Variants in AGBL4 observed in about 807,000 individuals in gnomAD.
AGBL4 encodes AGBL carboxypeptidase 4.
A neutral mutation model predicts 66.4 loss-of-function variants in AGBL4; 58 were observed. The ratio of observed to expected loss-of-function variants is 0.87; its 90% CI spans 0.71 to 1.09. The LOEUF is 1.09. Among genes scored for constraint, AGBL4 ranks in the 50% least tolerant of loss-of-function variants. The pLI is 0.00. For synonymous variants in AGBL4, 234 were observed against 222.9 expected (o/e 1.05, Z -0.44); for missense variants, 579 against 631.0 (o/e 0.92, Z 0.88).
At chr1:49,034,625 A>C (rs1270071991) in intron 5 of AGBL4, among the ~76,000 whole-genome samples, 3 of 152,100 alleles carry the variant, frequency 2.0e-5, no homozygotes, top group Non-Finnish European at 4.4e-5. Context: ...AGGTAGTTTA[A>C]TCATGGGGGT....
intron 3 of AGBL4, among the ~76,000 whole-genome samples, chr1:49,648,458 A>G (rs1368699921): frequency 6.6e-6 from 1 of 152,122 alleles, no homozygotes; most frequent in Non-Finnish European, 1.5e-5. Flanking sequence ...TGCAAACATG[A>G]TGACTAAGAG....
chr1:49,364,355 T>G (rs1644201517), intron 3 of AGBL4, among the ~76,000 whole-genome samples: 1 of 152,156 alleles, frequency 6.6e-6, no homozygotes, highest in African/African-American at 2.4e-5. Context: ...GGTCCCATAA[T>G]CTCTCTAATC....
At chr1:49,632,904 T>C (rs928195776) in intron 3 of AGBL4, among the ~76,000 whole-genome samples, 6 of 151,710 alleles carry the variant, frequency 4.0e-5, no homozygotes, top group Admixed American at 3.9e-4. Flanking sequence ...TAAAACCCCG[T>C]CTCTACTAAA....
chr1:48,873,646 A>G (rs538392015), intron 5 of AGBL4, among the ~76,000 whole-genome samples: 3 of 152,246 alleles, frequency 2.0e-5, no homozygotes, highest in East Asian at 3.9e-4. Context: ...CAGGATGGCA[A>G]CTAAACAGGG....
chr1:49,907,799 C>A (rs1650423403), intron 1 of AGBL4, among the ~76,000 whole-genome samples: 1 of 151,848 alleles, frequency 6.6e-6, no homozygotes, highest in Non-Finnish European at 1.5e-5. Flanking sequence ...AAGAGTTAAT[C>A]CTAATGTATG....
chr1:49,870,926 C>T (rs920491120), intron 1 of AGBL4, among the ~76,000 whole-genome samples: 2 of 152,080 alleles, frequency 1.3e-5, no homozygotes, highest in Non-Finnish European at 2.9e-5. Flanking sequence ...TCAGCCAACA[C>T]AGTTCATAAA....
At chr1:49,746,531 C>T (rs973578833) in intron 2 of AGBL4, among the ~76,000 whole-genome samples, 1 of 151,888 alleles carries the variant, frequency 6.6e-6, no homozygotes, top group Non-Finnish European at 1.5e-5. Context: ...TTTTACATCC[C>T]TATGTGATAG....
intron 3 of AGBL4, among the ~76,000 whole-genome samples, chr1:49,250,096 T>C (rs2148335440): frequency 6.6e-6 from 1 of 152,234 alleles, no homozygotes; most frequent in East Asian, 1.9e-4. Context: ...TTAAGAGAAG[T>C]TAATTAATGG....
chr1:49,489,932 G>A (rs1298274949), intron 3 of AGBL4, among the ~76,000 whole-genome samples: 2 of 151,594 alleles, frequency 1.3e-5, no homozygotes, highest in African/African-American at 2.4e-5. Context: ...TAGCTTTGTA[G>A]TATAATTTTC....
intron 2 of AGBL4, among the ~76,000 whole-genome samples, chr1:49,760,042 T>A (rs1652186403): frequency 6.6e-6 from 1 of 152,182 alleles, no homozygotes; most frequent in African/African-American, 2.4e-5. Context: ...GAGATGATGG[T>A]AATATAACAT....
At chr1:49,071,734 G>T (rs148113816) in intron 4 of AGBL4, among the ~76,000 whole-genome samples, 35 of 152,032 alleles carry the variant, frequency 2.3e-4, no homozygotes, top group African/African-American at 8.5e-4. Context: ...ATTTGGTGTG[G>T]AGAGTTCTGT....
intron 3 of AGBL4, among the ~76,000 whole-genome samples, chr1:49,683,539 G>A (rs1306573480): frequency 6.6e-6 from 1 of 152,002 alleles, no homozygotes; most frequent in Non-Finnish European, 1.5e-5. Context: ...AATCCATCAG[G>A]GAAAGGAACA....
intron 1 of AGBL4, among the ~76,000 whole-genome samples, chr1:49,963,920 A>G (rs548348647): frequency 6.6e-6 from 1 of 152,234 alleles, no homozygotes; most frequent in Non-Finnish European, 1.5e-5. Context: ...CTAAGAATGG[A>G]ATGGAAAGCT....
At chr1:49,890,224 A>G (rs1325645372) in intron 1 of AGBL4, among the ~76,000 whole-genome samples, 1 of 152,228 alleles carries the variant, frequency 6.6e-6, no homozygotes, top group Non-Finnish European at 1.5e-5. Flanking sequence ...CCAATATCAC[A>G]CAGAATTAGT....
chr1:49,079,554 T>C (rs938739583), intron 4 of AGBL4, among the ~76,000 whole-genome samples: 4 of 152,208 alleles, frequency 2.6e-5, no homozygotes, highest in South Asian at 2.1e-4. Flanking sequence ...ATCACCTCCC[T>C]CTCTTGACAC....
chr1:48,779,267 C>T (rs774627017), intron 6 of AGBL4, among the ~76,000 whole-genome samples: 6 of 152,194 alleles, frequency 3.9e-5, no homozygotes, highest in Non-Finnish European at 8.8e-5. Context: ...TTACCAATCT[C>T]ATCTCTTACT....
intron 4 of AGBL4, among the ~76,000 whole-genome samples, chr1:49,117,061 T>C (rs1645539984): frequency 1.3e-5 from 2 of 151,758 alleles, no homozygotes; most frequent in South Asian, 4.2e-4. Flanking sequence ...CACTTTTTGA[T>C]GGGGTTTTTT....
chr1:49,305,496 T>C (rs1441430097), intron 3 of AGBL4, among the ~76,000 whole-genome samples: 1 of 152,152 alleles, frequency 6.6e-6, no homozygotes, highest in African/African-American at 2.4e-5. Context: ...GATGTGAACC[T>C]GCCTATGAAG....
intron 8 of AGBL4, among the ~76,000 whole-genome samples, chr1:48,644,786 T>C (rs1000812253): frequency 2.0e-5 from 3 of 152,182 alleles, no homozygotes; most frequent in Non-Finnish European, 4.4e-5. Context: ...TAAAGAGCTT[T>C]CGTTCTTTCT....
Sources: gnomAD v4.1 joint callset for allele counts (sites outside exome capture counted in the v4.1 genomes callset) on GRCh38, gnomAD v4.1.1 for gene constraint, MANE v1.5 for transcripts, NCBI Gene and HGNC (gene_info 2026-07-23, HGNC 2026-07-21) for gene names.